PRKCH: variants seen among roughly 807,000 people sequenced by gnomAD.
The protein encoded by PRKCH is protein kinase C eta.
In PRKCH, 28 loss-of-function variants were observed where a neutral mutation model predicts 82.5. The ratio of observed to expected loss-of-function variants is 0.34; its 90% CI spans 0.25 to 0.47. The LOEUF (loss-of-function observed/expected upper bound fraction) is 0.47, where lower values mean the gene tolerates loss of function less well. Ranked by LOEUF, PRKCH falls within the 20% of genes least tolerant of loss-of-function variation. The pLI, the probability that PRKCH is intolerant of heterozygous loss-of-function variation, is 1.00. For synonymous variants in PRKCH, 322 were observed against 327.4 expected (o/e 0.98, Z 0.18); for missense variants, 705 against 881.8 (o/e 0.80, Z 2.54).
At chr14:61,497,548 A>G (rs1482715833) in intron 10 of PRKCH, among the ~76,000 whole-genome samples, 4 of 152,214 alleles carry the variant, frequency 2.6e-5, no homozygotes, top group African/African-American at 7.2e-5. Context: ...AAATTTTGAC[A>G]TATGTACACA....
intron 1 of PRKCH, among the ~76,000 whole-genome samples, chr14:61,340,838 T>C (rs2045922739): frequency 6.6e-6 from 1 of 152,216 alleles, no homozygotes; most frequent in Admixed American, 6.5e-5. Flanking sequence ...CTTGCCGTTG[T>C]TCAGTCACCT....
At chr14:61,412,627 T>C (rs1447410915) in intron 2 of PRKCH, among the ~76,000 whole-genome samples, 2 of 152,192 alleles carry the variant, frequency 1.3e-5, no homozygotes, top group Admixed American at 6.5e-5. Flanking sequence ...ATCTCACAGA[T>C]GATTGGATGT....
At chr14:61,501,514 A>G (rs1416727556) in intron 10 of PRKCH, among the ~76,000 whole-genome samples, 3 of 151,866 alleles carry the variant, frequency 2.0e-5, no homozygotes, top group South Asian at 2.1e-4. Flanking sequence ...ATGGCTACAT[A>G]AGGGCTTGCA....
intron 9 of PRKCH, among the ~76,000 whole-genome samples, chr14:61,466,801 C>G (rs1395615883): frequency 6.6e-6 from 1 of 152,142 alleles, no homozygotes; most frequent in African/African-American, 2.4e-5. Flanking sequence ...TCCTCCCGCT[C>G]CTCTGCCTGC....
At chr14:61,402,463 A>G (rs1302676005) in intron 2 of PRKCH, among the ~76,000 whole-genome samples, 2 of 152,246 alleles carry the variant, frequency 1.3e-5, no homozygotes, top group Admixed American at 6.5e-5. Flanking sequence ...TTCAACTAGA[A>G]CAACATTACA....
chr14:61,320,122 C>T (rs1000668361), upstream of PRKCH, among the ~76,000 whole-genome samples: 1 of 151,946 alleles, frequency 6.6e-6, no homozygotes, highest in Non-Finnish European at 1.5e-5. Flanking sequence ...AACCTGGGAG[C>T]TGGAGGTTAT....
At chr14:61,445,848 G>T (rs941526929) in intron 4 of PRKCH, 122 bp downstream of exon 4, 1 of 1,025,914 alleles carries the variant, frequency 9.7e-7, no homozygotes, top group African/African-American at 1.6e-5. Flanking sequence ...GTAGGTCAAA[G>T]GAAACCCCTG....
intron 1 of PRKCH, among the ~76,000 whole-genome samples, chr14:61,328,256 CAAAAAAAAAA>C (rs71117811): frequency 6.7e-5 from 5 of 74,376 alleles, no homozygotes; most frequent in East Asian, 4.2e-4. Flanking sequence ...GACTCCGTCT[CAAAAAAAAAA>C]AAAAAAAAAA....
intron 2 of PRKCH, among the ~76,000 whole-genome samples, chr14:61,430,770 T>G (rs927446562): frequency 7.9e-5 from 12 of 151,762 alleles, no homozygotes; most frequent in Non-Finnish European, 1.6e-4. Context: ...TTTTTTTTTT[T>G]TTGAGATGGA....
intron 1 of PRKCH, among the ~76,000 whole-genome samples, chr14:61,336,820 G>A (rs2045862943): frequency 6.6e-6 from 1 of 152,196 alleles, no homozygotes; most frequent in East Asian, 1.9e-4. Flanking sequence ...TGTAATTCCA[G>A]CACTATGGGG....
At chr14:61,217,341 G>T (rs550635412) in intron 1 of PRKCH, among the ~76,000 whole-genome samples, 2 of 152,276 alleles carry the variant, frequency 1.3e-5, no homozygotes, top group African/African-American at 4.8e-5. Context: ...TGCAGTGAGA[G>T]GTTGAGGCTG....
chr14:61,220,092 G>A (rs752562468), intron 1 of PRKCH, among the ~76,000 whole-genome samples: 26 of 152,108 alleles, frequency 1.7e-4, no homozygotes, highest in Non-Finnish European at 2.9e-4. Context: ...AGAAGCCCTG[G>A]GAAGGCAGAC....
At chr14:61,390,679 A>G (rs957601739) in intron 1 of PRKCH, 1 of 152,800 alleles carries the variant, frequency 6.5e-6, no homozygotes, top group African/African-American at 2.4e-5. Flanking sequence ...TCTCTCAAAA[A>G]AAAAAGAGTA....
At position 61,457,267 on chromosome 14, in the gene PRKCH, G is replaced by C. The variant is rs1458003474; in HGVS notation, c.1052G>C (p.Gly351Ala). 3.1e-6 allele frequency: 5 copies of C among 1,614,196 alleles called. No individual in the cohort carries two copies. In the Admixed American group the frequency reaches 6.7e-5, roughly 22 times the overall value. Residue 351 changes from glycine to alanine, a missense_variant, in exon 8 of 14, where the codon GGT (glycine) becomes GCT (alanine). By Grantham distance (60) the Gly-to-Ala change is moderately conservative (BLOSUM62 0). This residue lies in a region of PRKCH where 238 missense variants were observed against 258.1 expected (regional missense o/e 0.92). Coordinates refer to ENST00000332981, the MANE Select transcript of PRKCH (RefSeq NM_006255.5). The part of the protein sequence containing the change: ...GIGVNSSNRL[G>A]IDNFEFIRVL... ...GGGGTTAATTCTTCCAACCGACTTG[G>C]TATCGACAACTTTGAGTTCATCCGA...
intron 4 of PRKCH, 112 bp from the exon 5 acceptor site, chr14:61,449,052 G>A (rs2140283927): frequency 1.1e-6 from 1 of 897,518 alleles, no homozygotes; most frequent in East Asian, 2.6e-5. Context: ...GCTGTCAAGG[G>A]GGCCAGACGA....
chr14:61,435,300 G>A (rs1883623861), intron 2 of PRKCH, among the ~76,000 whole-genome samples: 1 of 152,158 alleles, frequency 6.6e-6, no homozygotes, highest in Non-Finnish European at 1.5e-5. Flanking sequence ...CTCTGCTCCT[G>A]GGGGAATCCA....
At chr14:61,313,368 T>G (rs2045539251) in intron 1 of PRKCH, among the ~76,000 whole-genome samples, 2 of 152,222 alleles carry the variant, frequency 1.3e-5, no homozygotes, top group Non-Finnish European at 2.9e-5. Context: ...AGAAAATGAT[T>G]ACTATTTTAA....
At position 61,391,205 on chromosome 14, in the gene PRKCH, A is replaced by T; in HGVS notation, c.364-20A>T. On this transcript the variant is annotated intron_variant, in intron 1 of 13. Transcript: ENST00000332981. ...ATTTTAAAACTAACATATAATATAC[A>T]TTTTTTTTTCTCTTTGTAGGTGGAT... 6.4e-7 allele frequency: 1 copy of T among 1,570,026 alleles called. No individual in the cohort carries two copies. The highest frequency in any genetic ancestry group is 1.1e-5 in the South Asian group (1 of 87,658).
At chr14:61,355,491 A>G (rs1327835798) in intron 1 of PRKCH, among the ~76,000 whole-genome samples, 2 of 152,094 alleles carry the variant, frequency 1.3e-5, no homozygotes, top group African/African-American at 4.8e-5. Context: ...TAAAAGATCC[A>G]CTTTCTTATA....
Sources: gnomAD v4.1 joint callset for allele counts (sites outside exome capture counted in the v4.1 genomes callset) on GRCh38, gnomAD v4.1.1 for gene constraint, gnomAD v4.1.1 regional missense constraint, MANE v1.5 for transcripts, NCBI Gene and HGNC (gene_info 2026-07-23, HGNC 2026-07-21) for gene names.